RAPGEF2: variants seen among roughly 807,000 people sequenced by gnomAD.
The protein encoded by RAPGEF2 is PDZ domain containing guanine nucleotide exchange factor (GEF) 1.
In RAPGEF2, 54 loss-of-function variants were observed where a neutral mutation model predicts 186.7. The observed-to-expected ratio is 0.29, with a 90% CI of 0.23 to 0.36. The LOEUF is 0.36. RAPGEF2 is among the 10% of genes least tolerant of loss of function. The probability of loss-of-function intolerance (pLI) is 1.00; values close to 1 mark genes in which losing one functional copy is unlikely to be tolerated. For synonymous variants in RAPGEF2, 712 were observed against 705.9 expected, an observed-to-expected ratio of 1.01 and a Z score of -0.14; for missense variants, 1,532 against 2,045.0, an observed-to-expected ratio of 0.75 and a Z score of 4.84.
At chr4:159,178,490 T>C (rs898580696) in intron 1 of RAPGEF2, among the ~76,000 whole-genome samples, 1 of 151,686 alleles carries the variant, frequency 6.6e-6, no homozygotes, top group Non-Finnish European at 1.5e-5. Flanking sequence ...AAGGAGAAAT[T>C]AGAGAGCCCA....
At chr4:159,328,648 T>C (rs1415081030) in intron 11 of RAPGEF2, 2 of 151,996 alleles carry the variant, frequency 1.3e-5, no homozygotes, top group East Asian at 3.8e-4. Flanking sequence ...ATATTAACAG[T>C]TTATTTCCCT....
chr4:159,349,705 C>T (rs1378820202), intron 25 of RAPGEF2, among the ~76,000 whole-genome samples: 1 of 152,212 alleles, frequency 6.6e-6, no homozygotes, highest in Non-Finnish European at 1.5e-5. Context: ...CCTTGAGCTA[C>T]CCCTTTCCAA....
chr4:159,118,679 G>A (rs1255347813), intron 1 of RAPGEF2, among the ~76,000 whole-genome samples: 3 of 152,128 alleles, frequency 2.0e-5, no homozygotes, highest in Non-Finnish European at 2.9e-5. Flanking sequence ...TCCGCCTCCC[G>A]GGTTCAAGCG....
At chr4:159,235,717 G>A (rs1411042616) in intron 4 of RAPGEF2, among the ~76,000 whole-genome samples, 1 of 152,090 alleles carries the variant, frequency 6.6e-6, no homozygotes, top group Non-Finnish European at 1.5e-5. Context: ...CAGTTTATTT[G>A]TGTAGAACTT....
At chr4:159,349,945 C>T (rs949130416) in intron 25 of RAPGEF2, among the ~76,000 whole-genome samples, 192 bp from the exon 26 acceptor site, 6 of 152,122 alleles carry the variant, frequency 3.9e-5, no homozygotes, top group Non-Finnish European at 8.8e-5. Context: ...AACCAAACTA[C>T]GGGTATCTCA....
intron 2 of RAPGEF2, among the ~76,000 whole-genome samples, chr4:159,187,738 A>G (rs1747701601): frequency 6.6e-6 from 1 of 152,180 alleles, no homozygotes; most frequent in Non-Finnish European, 1.5e-5. Flanking sequence ...AAAATAAAGG[A>G]CCTTAGGAAG....
intron 1 of RAPGEF2, among the ~76,000 whole-genome samples, chr4:159,165,018 TA>T (rs954718541): frequency 1.3e-5 from 2 of 152,140 alleles, no homozygotes; most frequent in African/African-American, 4.8e-5. Flanking sequence ...TCTGCACATT[TA>T]AAAAAATCTC....
At position 159,145,132 on chromosome 4, in the gene RAPGEF2, C is replaced by G. The variant is rs1419009041; in HGVS notation, c.69+40901C>G. ...CTAGGCTCAAGTGATCTGCCCGCCT[C>G]AGCTTCCCAAAATGCTGGGATTACA... On this transcript the variant is annotated intron_variant, in intron 1 of 29. Transcript: ENST00000691494. Among the ~76,000 whole-genome samples, 4 of 151,958 alleles carry G rather than the reference C, an allele frequency of 2.6e-5. No homozygotes were observed. In the East Asian group the frequency reaches 7.7e-4, roughly 29 times the overall value.
At chr4:159,108,396 T>C (rs1422745837) in intron 1 of RAPGEF2, among the ~76,000 whole-genome samples, 1 of 150,896 alleles carries the variant, frequency 6.6e-6, no homozygotes, top group East Asian at 1.9e-4. Context: ...TTTTTTTTTT[T>C]TTTTTTTTTT....
intron 4 of RAPGEF2, among the ~76,000 whole-genome samples, chr4:159,211,238 G>A (rs775642181): frequency 6.6e-6 from 1 of 152,126 alleles, no homozygotes; most frequent in Non-Finnish European, 1.5e-5. Context: ...TGGGGCGGAT[G>A]TATTCCTCTG....
chr4:159,356,026 T>C lies in RAPGEF2; in HGVS notation c.4825T>C (p.Ser1609Pro), dbSNP rs1415668423. 3.1e-6 allele frequency: 5 copies of C among 1,613,906 alleles called. No homozygotes were observed. Among genetic ancestry groups the C allele is most frequent in the Non-Finnish European group, 4.2e-6 (5 of 1,180,028 alleles). ...VARSSDTAGP[S>P]SVQQPHGHPT... is the part of the protein sequence containing the mutation. ...ACGATCCTCCGACACAGCTGGGCCT[T>C]CATCCGTACAGCAGCCACATGGGCA... The change falls in exon 29 of 30, where the codon TCA becomes CCA. Residue 1609 changes from serine (S) to proline (P), a missense_variant. By Grantham distance (74) the Ser-to-Pro change is moderately conservative. This residue lies in a region of RAPGEF2 where 594 missense variants were observed against 608.5 expected (regional missense o/e 0.98). Transcript: ENST00000691494.
chr4:159,237,484 A>G (rs967330243), intron 4 of RAPGEF2, among the ~76,000 whole-genome samples: 7 of 152,104 alleles, frequency 4.6e-5, no homozygotes, highest in African/African-American at 1.7e-4. Flanking sequence ...CAGATGATAG[A>G]AGGAGAATGT....
At chr4:159,211,464 A>G (rs1159032942) in intron 4 of RAPGEF2, among the ~76,000 whole-genome samples, 1 of 152,244 alleles carries the variant, frequency 6.6e-6, no homozygotes, top group Non-Finnish European at 1.5e-5. Context: ...ACTAAAGTAC[A>G]GGGATTGCCC....
intron 2 of RAPGEF2, among the ~76,000 whole-genome samples, chr4:159,187,968 T>A (rs929928343): frequency 7.9e-5 from 12 of 152,234 alleles, no homozygotes; most frequent in Admixed American, 3.3e-4. Context: ...TAAAATTAAA[T>A]TTTTAATGAA....
chr4:159,149,627 A>C (rs1322019066), intron 1 of RAPGEF2, among the ~76,000 whole-genome samples: 1 of 152,154 alleles, frequency 6.6e-6, no homozygotes, highest in Non-Finnish European at 1.5e-5. Context: ...TTTTAAAATA[A>C]GAGACTGTTC....
At chr4:159,124,320 A>G (rs1299131110) in intron 1 of RAPGEF2, among the ~76,000 whole-genome samples, 2 of 150,720 alleles carry the variant, frequency 1.3e-5, no homozygotes, top group Non-Finnish European at 3.0e-5. Flanking sequence ...CGGGCGGATC[A>G]CCTGAGGTCA....
At position 159,291,751 on chromosome 4, in the gene RAPGEF2, A is replaced by G. The variant is rs139385436; in HGVS notation, c.544-12591A>G. Among the ~76,000 whole-genome samples the G allele has an allele frequency of 3.7e-3, 569 of 151,998 alleles. 1 individual carries two copies. Among genetic ancestry groups the G allele is most frequent in the Middle Eastern group, 0.01 (3 of 290 alleles). The stretch of plus-strand genomic sequence containing the variant: ...GTTTCACAGTTTTGAGTCACTATCC[A>G]TTGTATATATATCAAGACAAGCTTT... On this transcript the variant is annotated intron_variant, in intron 7 of 29. Coordinates refer to ENST00000691494, the MANE Select transcript of RAPGEF2 (RefSeq NM_001394067.2).
At chr4:159,253,700 G>A (rs1384038159) in intron 7 of RAPGEF2, among the ~76,000 whole-genome samples, 2 of 152,034 alleles carry the variant, frequency 1.3e-5, no homozygotes, top group Non-Finnish European at 1.5e-5. Flanking sequence ...CAGGCGCGGT[G>A]GCTCATGCCT....
intron 1 of RAPGEF2, among the ~76,000 whole-genome samples, chr4:159,116,808 C>T (rs1249618538): frequency 1.3e-5 from 2 of 152,074 alleles, no homozygotes; most frequent in Non-Finnish European, 2.9e-5. Context: ...GAACAGAAAA[C>T]CAAACACTGC....
Sources: allele counts gnomAD v4.1 joint callset (sites outside exome capture counted in the v4.1 genomes callset), GRCh38; gene constraint gnomAD v4.1.1; regional missense constraint gnomAD v4.1.1; transcripts MANE v1.5; gene names NCBI Gene and HGNC (gene_info 2026-07-23, HGNC 2026-07-21).